The following PRUNE2 variants were observed in gnomAD, a reference collection of about 807,000 sequenced individuals.
PRUNE2 encodes the protein protein prune homolog 2.
PRUNE2 carries 164 observed loss-of-function variants against 252.0 expected under a neutral mutation model. That is an observed-to-expected ratio of 0.65 (90% confidence interval 0.57 to 0.74). The LOEUF (loss-of-function observed/expected upper bound fraction) is 0.74. Ranked by LOEUF, PRUNE2 falls within the 30% of genes least tolerant of loss-of-function variation. The pLI is 0.00. For synonymous variants in PRUNE2, 1,292 were observed against 1,350.2 expected (o/e 0.96, Z 0.94); for missense variants, 3,495 against 3,711.0 (o/e 0.94, Z 1.51).
rs1420990876 is a variant in PRUNE2 at position 76,706,268 on chromosome 9, T to C, written c.6006A>G (p.Lys2002=). ...AATTTGTCATCTCACCTAGGTATGA[T>C]TTTTCTTGTTCCCACTGATTTGTTT... ...GQETNQWEQE[K]SYLGEMTNSS... is the part of the protein sequence containing the mutation. The change falls in exon 8 of 19, where the codon AAA becomes AAG. Residue 2002 remains lysine (K), a synonymous_variant. Coordinates refer to ENST00000376718, the MANE Select transcript of PRUNE2 (RefSeq NM_015225.3). 1 of 1,613,998 alleles carries C rather than the reference T, an allele frequency of 6.2e-7. No individual in the cohort carries two copies. The highest frequency in any genetic ancestry group is 8.5e-7 in the Non-Finnish European group (1 of 1,179,878).
chr9:76,857,082 T>A (rs1246480148), intron 1 of PRUNE2: 4 of 455,880 alleles, frequency 8.8e-6, no homozygotes, highest in Non-Finnish European at 1.8e-5. Context: ...TGGTCTCTCA[T>A]TTCTCTCCTC....
Position 76,709,846 on chromosome 9 carries a change from C to A in PRUNE2, c.2428G>T (p.Glu810Ter). The change falls in exon 8 of 19, where the codon GAA becomes TAA. Residue 810 changes from glutamate to a stop codon, truncating the protein, a stop_gained. Transcript: ENST00000376718. LOFTEE classifies it high-confidence loss of function. Reference protein sequence around the residue: ...WSAFGKEDHDEALKNTWNLHP... With the variant: ...WSAFGKEDHD ...AAATTCCAGGTATTTTTTAAAGCTT[C>A]ATCATGATCTTCTTTACCAAATGCA... 1 of 1,613,888 alleles carries A rather than the reference C, an allele frequency of 6.2e-7. No individual in the cohort carries two copies. Among genetic ancestry groups the A allele is most frequent in the Non-Finnish European group, 8.5e-7 (1 of 1,179,838 alleles).
At chr9:76,812,496 T>C (rs557122550) in intron 6 of PRUNE2, among the ~76,000 whole-genome samples, 1 of 152,268 alleles carries the variant, frequency 6.6e-6, no homozygotes, top group Non-Finnish European at 1.5e-5. Flanking sequence ...GTTAAATAAA[T>C]CACAATTCCT....
At chr9:76,886,900 T>C (rs192023840) in intron 1 of PRUNE2, among the ~76,000 whole-genome samples, 1 of 152,314 alleles carries the variant, frequency 6.6e-6, no homozygotes, top group African/African-American at 2.4e-5. Context: ...GGATTCCCAA[T>C]ATGTTTTCCA....
At chr9:76,792,982 AG>A (rs1381252902) in intron 6 of PRUNE2, among the ~76,000 whole-genome samples, 1 of 152,228 alleles carries the variant, frequency 6.6e-6, no homozygotes, top group Non-Finnish European at 1.5e-5. Context: ...GGGGCTTACT[AG>A]TCCATTTTAC....
intron 1 of PRUNE2, 145 bp downstream of exon 1, chr9:76,905,783 G>C: frequency 9.7e-7 from 1 of 1,036,122 alleles, no homozygotes; most frequent in Non-Finnish European, 1.5e-6. Flanking sequence ...GAGTTCCTGA[G>C]ATTTCTTCCA....
At chr9:76,752,765 G>A (rs2050748603) in intron 6 of PRUNE2, among the ~76,000 whole-genome samples, 1 of 152,156 alleles carries the variant, frequency 6.6e-6, no homozygotes, top group African/African-American at 2.4e-5. Context: ...AGACTGGGGT[G>A]CAGAGAAGTT....
chr9:76,656,134 T>C (rs538644674), intron 9 of PRUNE2, among the ~76,000 whole-genome samples: 3 of 152,356 alleles, frequency 2.0e-5, no homozygotes, highest in Non-Finnish European at 4.4e-5. Flanking sequence ...ACCTCTTGTT[T>C]CTAATCAGTG....
intron 1 of PRUNE2, among the ~76,000 whole-genome samples, chr9:76,898,242 T>C (rs1177958355): frequency 1.3e-5 from 2 of 152,220 alleles, no homozygotes; most frequent in African/African-American, 2.4e-5. Flanking sequence ...ACTCATACTC[T>C]AGGAAAATCT....
At chr9:76,655,544 T>TAAGA in intron 9 of PRUNE2, 42 bp from the exon 10 acceptor site, 1 of 1,403,114 alleles carries the variant, frequency 7.1e-7, no homozygotes, top group Non-Finnish European at 1.0e-6. Context: ...AACAACTGTG[T>TAAGA]AAGACTTCAT....
chr9:76,682,430 C>T (rs1276054186), intron 9 of PRUNE2, among the ~76,000 whole-genome samples: 4 of 146,094 alleles, frequency 2.7e-5, no homozygotes, highest in Non-Finnish European at 5.9e-5. Flanking sequence ...GGCGTGATCT[C>T]GGCCCACAAC....
chr9:76,850,569 T>C lies in PRUNE2; in HGVS notation c.238A>G (p.Asn80Asp). The C allele has an allele frequency of 6.2e-7, 1 of 1,613,950 alleles. No individual in the cohort carries two copies. The highest frequency in any genetic ancestry group is 1.6e-4 in the Middle Eastern group (1 of 6,062). The change falls in exon 3 of 19, where the codon AAT becomes GAT. Residue 80 changes from asparagine (N) to aspartate (D), a missense_variant. Asn to Asp is a conservative substitution (Grantham distance 23, BLOSUM62 1). Coordinates refer to ENST00000376718, the MANE Select transcript of PRUNE2 (RefSeq NM_015225.3). ...AATATGTGGAATGATTCGGAAATAT[T>C]TAGCTCTTCTAAAATAAACCTCGTC... ...TETRFILEELNISESFHIFRD... is the reference protein window; with the variant it reads ...TETRFILEELDISESFHIFRD...
At chr9:76,723,913 T>G (rs1405469983) in intron 6 of PRUNE2, among the ~76,000 whole-genome samples, 1 of 150,886 alleles carries the variant, frequency 6.6e-6, no homozygotes, top group Non-Finnish European at 1.5e-5. Context: ...GTTCACGCCC[T>G]TCTCCTGCCT....
Position 76,697,704 on chromosome 9 carries a change from T to C in PRUNE2, c.8276+5633A>G, listed in dbSNP as rs1435047544. Among the ~76,000 whole-genome samples, 7 of 152,330 alleles carry C rather than the reference T, an allele frequency of 4.6e-5. No homozygotes were observed. In the East Asian group the frequency reaches 1.3e-3, roughly 29 times the overall value. On this transcript the variant is annotated intron_variant, in intron 9 of 18. Transcript: ENST00000376718. ...TGCTTGTTTGGGCAGCTGTGTTTCA[T>C]TGACAACCACTGGGCTAGACAGAGA...
chr9:76,900,158 T>A (rs1243704804), intron 1 of PRUNE2, among the ~76,000 whole-genome samples: 1 of 152,156 alleles, frequency 6.6e-6, no homozygotes, highest in African/African-American at 2.4e-5. Context: ...GACAAGGAAG[T>A]ACAGAAGAGG....
chr9:76,754,662 T>C (rs1288634183), intron 6 of PRUNE2, among the ~76,000 whole-genome samples: 1 of 152,046 alleles, frequency 6.6e-6, no homozygotes, highest in African/African-American at 2.4e-5. Context: ...TCTTAAAATT[T>C]CATTAAAACT....
At chr9:76,850,039 G>C (rs886365972) in intron 3 of PRUNE2, among the ~76,000 whole-genome samples, 3 of 151,742 alleles carry the variant, frequency 2.0e-5, no homozygotes, top group Admixed American at 1.3e-4. Context: ...TGTTGTTTTG[G>C]GATTTTGGGG....
At chr9:76,651,048 CAAAT>C (rs1847183680) in intron 11 of PRUNE2, among the ~76,000 whole-genome samples, 1 of 152,114 alleles carries the variant, frequency 6.6e-6, no homozygotes. Flanking sequence ...GGAAATAGTA[CAAAT>C]TCCAGACCTT....
intron 6 of PRUNE2, among the ~76,000 whole-genome samples, chr9:76,777,064 G>C (rs2053884094): frequency 6.6e-6 from 1 of 151,884 alleles, no homozygotes; most frequent in Admixed American, 6.6e-5. Context: ...CTTCCTCTTG[G>C]GCCCTTCTTT....
Sources: gnomAD v4.1 joint callset for allele counts (sites outside exome capture counted in the v4.1 genomes callset) on GRCh38, gnomAD v4.1.1 for gene constraint, MANE v1.5 for transcripts, NCBI Gene and HGNC (gene_info 2026-07-23, HGNC 2026-07-21) for gene names.